SPATA25: variants seen among roughly 807,000 people sequenced by gnomAD.
SPATA25 encodes the protein spermatogenesis-associated protein 25.
SPATA25 carries 16 observed loss-of-function variants against 16.0 expected under a neutral mutation model. That is an observed-to-expected ratio of 1.00 (90% CI 0.68 to 1.52). The LOEUF is 1.52. Ranked by LOEUF, SPATA25 falls within the 40% of genes most tolerant of loss-of-function variation. The pLI is 0.00. For synonymous variants in SPATA25, 115 were observed against 118.5 expected (o/e 0.97, Z 0.19); for missense variants, 285 against 289.2 (o/e 0.99, Z 0.11).
At chr20:45,890,242 A>G (rs1160453903), upstream of SPATA25, 9 of 1,613,718 alleles carry the variant, frequency 5.6e-6, no homozygotes, top group African/African-American at 9.3e-5. Context: ...CTGCCCAGGG[A>G]TACCTACAGC....
At position 45,886,949 on chromosome 20, in the gene SPATA25, C is replaced by T. The variant is rs372300663; in HGVS notation, c.252G>A (p.Lys84=). 3.1e-6 allele frequency: 5 copies of T among 1,613,974 alleles called. No individual in the cohort carries two copies. The African/African-American group carries it at 6.7e-5, about 22-fold the overall frequency. The change falls in exon 2 of 2, where the codon AAG becomes AAA. Residue 84 remains lysine (K), a synonymous_variant. Coordinates refer to ENST00000372519, the MANE Select transcript of SPATA25 (RefSeq NM_080608.4). ...ATTTGTGGCAGTTTCGGCTGTATTC[C>T]TTCCGTAGTGTCTCCCAGCTAGTCC... ...PGGTSWETLR[K]EYSRNCHKFP...
intron 1 of SPATA25, 76 bp from the exon 2 acceptor site, chr20:45,887,221 G>A: frequency 6.6e-7 from 1 of 1,505,638 alleles, no homozygotes; most frequent in Non-Finnish European, 8.8e-7. Context: ...GGGCATGGGA[G>A]CAGAGCTTGG....
chr20:45,890,942 T>TCGAGTCCCCAGAGTGCACC, upstream of SPATA25: 3 of 1,522,104 alleles, frequency 2.0e-6, no homozygotes, highest in South Asian at 3.8e-5. Context: ...CTCCGGGCGC[T>TCGAGTCCCCAGAGTGCACC]CGAGTCCCCA....
In SPATA25 at chr20:45,887,575, T is replaced by TCCTCAAG; in HGVS notation, c.15_16insCTTGAGG (p.Thr6LeufsTer29). 6.2e-7 allele frequency: 1 copy of TCCTCAAG among 1,613,630 alleles called. No individual in the cohort carries two copies. Reference sequence around the variant, plus strand: ...AGAGGACCTGGATGAGTTTGTGGAGTCCTGAAGTAGGACATGGCTTCCCCA... The same window carrying TCCTCAAG: ...AGAGGACCTGGATGAGTTTGTGGAGTCCTCAAGCCTGAAGTAGGACATGGCTTCCCCA... On this transcript the variant is annotated frameshift_variant, in exon 1 of 2. Coordinates refer to ENST00000372519, the MANE Select transcript of SPATA25 (RefSeq NM_080608.4). LOFTEE classifies it high-confidence loss of function.
chr20:45,886,544 C>T lies in SPATA25; in HGVS notation c.657G>A (p.Arg219=), dbSNP rs751876832. The T allele has an allele frequency of 6.9e-6, 11 of 1,584,432 alleles. No homozygotes were observed. The South Asian group carries it at 1.1e-4, about 16-fold the overall frequency. Residue 219 remains arginine, a synonymous_variant, in exon 2 of 2, where the codon AGG becomes AGA. Coordinates refer to ENST00000372519, the MANE Select transcript of SPATA25 (RefSeq NM_080608.4). ...ACAAGCAGGAGCCAGGAGGCTGGCC[C>T]CTTTTAGATCTCACTAGGGGCATCT... is the stretch of plus-strand genomic sequence containing the variant. The part of the protein sequence containing the change: ...SGKMPLVRSK[R]GQPPGSCL
rs1378371658 is a variant in SPATA25 at position 45,887,511 on chromosome 20, C to G, written c.55+25G>C. The G allele has an allele frequency of 1.9e-6, 3 of 1,611,382 alleles. No homozygotes were observed. In the East Asian group the frequency reaches 6.7e-5, roughly 36 times the overall value. On this transcript the variant is annotated intron_variant, in intron 1 of 1. Coordinates refer to ENST00000372519, the MANE Select transcript of SPATA25 (RefSeq NM_080608.4). Reference sequence around the variant, plus strand: ...CTCAGGGGAAGCTGCCGCACTCCCTCCAATTGCAGGTGCCCCCCGCTCACC... The same window carrying G: ...CTCAGGGGAAGCTGCCGCACTCCCTGCAATTGCAGGTGCCCCCCGCTCACC...
chr20:45,886,499 T>C lies in SPATA25; in HGVS notation c.*18A>G. On this transcript the variant is annotated 3_prime_UTR_variant, in exon 2 of 2. Transcript: ENST00000372519. ...ATACGGAGAAACCACCCTACATATCTGGTGCTATTTCATCCATCTACAAGC... is the reference window on the plus strand; with the variant it reads ...ATACGGAGAAACCACCCTACATATCCGGTGCTATTTCATCCATCTACAAGC... The C allele has an allele frequency of 6.5e-7, 1 of 1,546,422 alleles. No homozygotes were observed. The highest frequency in any genetic ancestry group is 8.7e-7 in the Non-Finnish European group (1 of 1,143,466).
upstream of SPATA25, chr20:45,890,594 G>T (rs773310703): frequency 6.2e-7 from 1 of 1,612,342 alleles, no homozygotes; most frequent in Middle Eastern, 1.7e-4. Flanking sequence ...GCTGGGGGCC[G>T]CTGCCTCCGC....
chr20:45,890,478 A>G (rs1453606874), upstream of SPATA25: 1 of 1,600,114 alleles, frequency 6.2e-7, no homozygotes, highest in Non-Finnish European at 8.5e-7. Flanking sequence ...AGCTGGTCCA[A>G]GAGATGGCTG....
upstream of SPATA25, chr20:45,890,706 C>T (rs1986747863): frequency 6.2e-7 from 1 of 1,613,624 alleles, no homozygotes; most frequent in African/African-American, 1.3e-5. Flanking sequence ...AACTCGGGAA[C>T]GGGGGCCAGA....
At position 45,887,598 on chromosome 20, in the gene SPATA25, C is replaced by T. The variant is rs1465970493; in HGVS notation, c.-8G>A. On this transcript the variant is annotated 5_prime_UTR_variant, in exon 1 of 2. Transcript: ENST00000372519. ...AGTCCTGAAGTAGGACATGGCTTCC[C>T]CAAAGCCCCGGTTTGTGAGGGAATA... The T allele has an allele frequency of 1.2e-6, 2 of 1,613,110 alleles. No homozygotes were observed. Among genetic ancestry groups the T allele is most frequent in the Non-Finnish European group, 1.7e-6 (2 of 1,179,416 alleles).
At chr20:45,890,255 T>C (rs1263822834), upstream of SPATA25, 2 of 1,613,820 alleles carry the variant, frequency 1.2e-6, no homozygotes, top group South Asian at 2.2e-5. Flanking sequence ...CCTACAGCCA[T>C]ACTCGAGCTG....
At chr20:45,888,650 G>A (rs1225862927), upstream of SPATA25, 19 of 1,005,880 alleles carry the variant, frequency 1.9e-5, no homozygotes, top group Middle Eastern at 3.1e-4. Context: ...TGTCAGCATC[G>A]GCTGTTTATT....
At chr20:45,890,923 G>A (rs1395794014), upstream of SPATA25, 2 of 1,539,938 alleles carry the variant, frequency 1.3e-6, no homozygotes, top group Admixed American at 2.1e-5. Flanking sequence ...GGAAGCGGGT[G>A]GGAGGGGGCT....
At chr20:45,890,544 C>T (rs781712783), upstream of SPATA25, 1 of 1,610,294 alleles carries the variant, frequency 6.2e-7, no homozygotes, top group Non-Finnish European at 8.5e-7. Flanking sequence ...CGAAACTGCT[C>T]AATGCGCAGA....
At chr20:45,888,022 T>G (rs1245717690), upstream of SPATA25, among the ~76,000 whole-genome samples, 1 of 152,180 alleles carries the variant, frequency 6.6e-6, no homozygotes, top group Non-Finnish European at 1.5e-5. Context: ...TTCTTTTTCT[T>G]TTTTTGAGAC....
At chr20:45,888,418 T>C (rs1287150092), upstream of SPATA25, among the ~76,000 whole-genome samples, 1 of 152,214 alleles carries the variant, frequency 6.6e-6, no homozygotes, top group East Asian at 1.9e-4. Context: ...GAGAAGCTTT[T>C]ACAAAACACA....
Position 45,886,808 on chromosome 20 carries a change from T to C in SPATA25, c.393A>G (p.Ser131=). 6.2e-7 allele frequency: 1 copy of C among 1,613,902 alleles called. No individual in the cohort carries two copies. Among genetic ancestry groups the C allele is most frequent in the South Asian group, 1.1e-5 (1 of 91,078 alleles). ...RPRPLMLCGL[S]PRVLPVPSEA... Reference sequence around the variant, plus strand: ...CAGAGGGTACCGGTAGAACCCGTGGTGACAGCCCACACAGCATCAGGGGCC... The same window carrying C: ...CAGAGGGTACCGGTAGAACCCGTGGCGACAGCCCACACAGCATCAGGGGCC... Residue 131 remains serine, a synonymous_variant, in exon 2 of 2, where the codon TCA becomes TCG. Coordinates refer to ENST00000372519, the MANE Select transcript of SPATA25 (RefSeq NM_080608.4).
In SPATA25 at chr20:45,886,754, C is replaced by T. The variant is rs1480604395; in HGVS notation, c.447G>A (p.Gln149=). 7 of 1,613,942 alleles carry T rather than the reference C, an allele frequency of 4.3e-6. No individual in the cohort carries two copies. The highest frequency in any genetic ancestry group is 5.9e-6 in the Non-Finnish European group (7 of 1,180,038). ...CGAGGGTGAGGATGCAGATATCAGG[C>T]TGGGAGCTGGCCTCCTTCCCCACTG... is the stretch of plus-strand genomic sequence containing the variant. ...SEAVGKEASS[Q]PDICILTLAM... Residue 149 remains glutamine, a synonymous_variant, in exon 2 of 2, where the codon CAG becomes CAA. Transcript: ENST00000372519.
Sources: gnomAD v4.1 joint callset for allele counts (sites outside exome capture counted in the v4.1 genomes callset) on GRCh38, gnomAD v4.1.1 for gene constraint, MANE v1.5 for transcripts, NCBI Gene and HGNC (gene_info 2026-07-23, HGNC 2026-07-21) for gene names.